EPS15: variants seen among roughly 807,000 people sequenced by gnomAD.
The protein encoded by EPS15 is epidermal growth factor receptor substrate 15.
In EPS15, 72 loss-of-function variants were observed where a neutral mutation model predicts 113.8. That is an observed-to-expected ratio of 0.63 (90% CI 0.52 to 0.77). The LOEUF (loss-of-function observed/expected upper bound fraction) is 0.77. Among genes scored for constraint, EPS15 ranks in the 30% least tolerant of loss-of-function variants. EPS15 has a pLI of 0.00. For synonymous variants in EPS15, 344 were observed against 363.4 expected, an observed-to-expected ratio of 0.95 and a Z score of 0.61; for missense variants, 1,048 against 1,045.8, an observed-to-expected ratio of 1.00 and a Z score of -0.03.
intron 8 of EPS15, among the ~76,000 whole-genome samples, chr1:51,459,532 G>C (rs1376562122): frequency 1.3e-5 from 2 of 151,848 alleles, no homozygotes; most frequent in Admixed American, 6.6e-5. Flanking sequence ...AAATAAATTT[G>C]ATATAATGAA....
chr1:51,411,588 T>C (rs902059175), intron 13 of EPS15, among the ~76,000 whole-genome samples: 3 of 152,226 alleles, frequency 2.0e-5, no homozygotes, highest in Admixed American at 2.0e-4. Context: ...TTTTAAATCT[T>C]AGTTAAATAT....
intron 1 of EPS15, 49 bp downstream of exon 1, chr1:51,519,150 G>A: frequency 1.5e-6 from 2 of 1,352,358 alleles, no homozygotes; most frequent in African/African-American, 3.0e-5. Context: ...GGGCGGTGGG[G>A]GAGGGGGCAC....
In EPS15 at chr1:51,355,811, G is replaced by A. The variant is rs535997879; in HGVS notation, c.*889C>T. 3 of 196,976 alleles carry A rather than the reference G, an allele frequency of 1.5e-5. No individual in the cohort carries two copies. The highest frequency in any genetic ancestry group is 3.9e-4 in the South Asian group (2 of 5,186). 12.2% of individuals were successfully genotyped at this position (196,976 alleles called of 1,614,324 possible). The stretch of plus-strand genomic sequence containing the variant: ...AAAAGTACAAAAATTAACCCACTAA[G>A]AACTAAACAGGACAGGGCCACGGCA... On this transcript the variant is annotated 3_prime_UTR_variant, in exon 25 of 25. Transcript: ENST00000371733.
At chr1:51,474,683 A>T (rs969093902) in intron 2 of EPS15, among the ~76,000 whole-genome samples, 2 of 151,360 alleles carry the variant, frequency 1.3e-5, no homozygotes, top group East Asian at 3.9e-4. Flanking sequence ...TTCTTTTTTT[A>T]TTATTATTAT....
At position 51,461,146 on chromosome 1, in the gene EPS15, C is replaced by A; in HGVS notation, c.506G>T (p.Trp169Leu). ...KLPVDILGRV[W>L]ELSDIDHDGM... is the part of the protein sequence containing the mutation. ...ATCATGGTCAATATCACTCAACTCC[C>A]AAACCTTAAAAAGAGAATAATTGAA... is the stretch of plus-strand genomic sequence containing the variant. Residue 169 changes from tryptophan to leucine, a missense_variant, in exon 8 of 25, where the codon TGG becomes TTG. Trp to Leu is a moderately conservative substitution (Grantham distance 61). Transcript: ENST00000371733. The A allele has an allele frequency of 6.3e-7, 1 of 1,596,378 alleles. No homozygotes were observed. The highest frequency in any genetic ancestry group is 1.1e-5 in the South Asian group (1 of 90,654).
intron 1 of EPS15, among the ~76,000 whole-genome samples, chr1:51,491,859 ATTTTTT>A (rs1007233147): frequency 7.7e-6 from 1 of 129,822 alleles, no homozygotes; most frequent in East Asian, 2.1e-4. Context: ...AACTCATTTA[ATTTTTT>A]TTTTTTTTTT....
At chr1:51,444,737 T>G (rs1435554202) in intron 11 of EPS15, 152 bp downstream of exon 11, 1 of 632,556 alleles carries the variant, frequency 1.6e-6, no homozygotes, top group East Asian at 3.0e-5. Flanking sequence ...TCCAGCATAT[T>G]TATAGGCACA....
At chr1:51,415,912 T>C (rs866974167) in intron 13 of EPS15, among the ~76,000 whole-genome samples, 1 of 147,274 alleles carries the variant, frequency 6.8e-6, no homozygotes, top group Non-Finnish European at 1.5e-5. Flanking sequence ...AAAATCAAAA[T>C]GAACTCATGC....
At chr1:51,380,230 A>G (rs1388779395) in intron 21 of EPS15, among the ~76,000 whole-genome samples, 2 of 152,100 alleles carry the variant, frequency 1.3e-5, no homozygotes, top group African/African-American at 2.4e-5. Context: ...GCCTCAAAAA[A>G]AAAAAGGAAA....
At chr1:51,430,529 C>T (rs1176418207) in intron 12 of EPS15, among the ~76,000 whole-genome samples, 4 of 149,608 alleles carry the variant, frequency 2.7e-5, no homozygotes, top group African/African-American at 5.0e-5. Context: ...GATCGTGTCA[C>T]TGCACTCCTG....
intron 2 of EPS15, among the ~76,000 whole-genome samples, chr1:51,479,006 C>T (rs1643969347): frequency 6.6e-6 from 1 of 152,136 alleles, no homozygotes; most frequent in Non-Finnish European, 1.5e-5. Context: ...GTTGGCCTGC[C>T]TTGCTAGGTT....
At chr1:51,438,351 A>G (rs148904821) in intron 12 of EPS15, among the ~76,000 whole-genome samples, 17 of 152,334 alleles carry the variant, frequency 1.1e-4, no homozygotes, top group African/African-American at 3.8e-4. Context: ...CATTTACTAT[A>G]TAAGACTGCC....
At chr1:51,460,916 T>C (rs962625409) in intron 8 of EPS15, 175 bp downstream of exon 8, 28 of 497,428 alleles carry the variant, frequency 5.6e-5, no homozygotes, top group Non-Finnish European at 8.7e-5. Context: ...ATTGTGCCAC[T>C]GCACTCCAGC....
chr1:51,516,532 A>G (rs918631558), intron 1 of EPS15, among the ~76,000 whole-genome samples: 1 of 152,194 alleles, frequency 6.6e-6, no homozygotes, highest in African/African-American at 2.4e-5. Flanking sequence ...AAGCTAGACT[A>G]TAATAATTTA....
At chr1:51,491,635 T>C in intron 1 of EPS15, among the ~76,000 whole-genome samples, 1 of 152,156 alleles carries the variant, frequency 6.6e-6, no homozygotes, top group East Asian at 1.9e-4. Context: ...AGCTGTTTGC[T>C]TATTACAGAA....
intron 21 of EPS15, among the ~76,000 whole-genome samples, chr1:51,367,326 C>A (rs1223493747): frequency 6.6e-6 from 1 of 151,984 alleles, no homozygotes; most frequent in African/African-American, 2.4e-5. Flanking sequence ...CATAGGTGGG[C>A]AGATCACTTG....
intron 8 of EPS15, among the ~76,000 whole-genome samples, chr1:51,459,925 A>G (rs1654303298): frequency 6.6e-6 from 1 of 152,150 alleles, no homozygotes. Context: ...GAAACATAAT[A>G]CTCATCTCCG....
intron 16 of EPS15, 75 bp downstream of exon 16, chr1:51,405,830 T>G (rs1230904969): frequency 8.2e-7 from 1 of 1,213,916 alleles, no homozygotes; most frequent in African/African-American, 1.5e-5. Flanking sequence ...TGTATTTATA[T>G]TAGATATAAT....
At chr1:51,363,781 C>T in intron 23 of EPS15, 85 bp downstream of exon 23, 2 of 1,283,636 alleles carry the variant, frequency 1.6e-6, no homozygotes, top group Admixed American at 2.5e-5. Context: ...CACTTAAAGC[C>T]ATTTATATAA....
Sources: gnomAD v4.1 joint callset for allele counts (sites outside exome capture counted in the v4.1 genomes callset) on GRCh38, gnomAD v4.1.1 for gene constraint, MANE v1.5 for transcripts, NCBI Gene and HGNC (gene_info 2026-07-23, HGNC 2026-07-21) for gene names.